The following DAB1 variants were observed in gnomAD, a reference collection of about 807,000 sequenced individuals.
The protein encoded by DAB1 is disabled homolog 1.
In DAB1, 15 loss-of-function variants were observed where a neutral mutation model predicts 64.6. The ratio of observed to expected loss-of-function variants is 0.23; its 90% CI spans 0.16 to 0.36. The LOEUF (loss-of-function observed/expected upper bound fraction) is 0.36, where lower values mean the gene tolerates loss of function less well. Ranked by LOEUF, DAB1 falls within the 10% of genes least tolerant of loss-of-function variation. The pLI is 1.00. For synonymous variants in DAB1, 235 were observed against 251.9 expected (o/e 0.93, Z 0.64); for missense variants, 596 against 706.7 (o/e 0.84, Z 1.78).
At chr1:57,406,302 C>T (rs866197078) in intron 1 of DAB1, among the ~76,000 whole-genome samples, 1 of 152,224 alleles carries the variant, frequency 6.6e-6, no homozygotes, top group South Asian at 2.1e-4. Flanking sequence ...CCCTCCCTTA[C>T]TCTTACTCTG....
chr1:58,195,144 C>CAGAGAGAG (rs1225243544), intron 4 of DAB1, among the ~76,000 whole-genome samples: 2 of 81,826 alleles, frequency 2.4e-5, no homozygotes, highest in East Asian at 1.3e-3. Context: ...GAGAGAGAGA[C>CAGAGAGAG]AGAGAGACAG....
intron 7 of DAB1, among the ~76,000 whole-genome samples, chr1:57,516,146 CTG>C (rs768755516): frequency 6.6e-6 from 1 of 152,216 alleles, no homozygotes; most frequent in African/African-American, 2.4e-5. Flanking sequence ...ATAGAAGAGA[CTG>C]TGTTTTAAGT....
intron 4 of DAB1, among the ~76,000 whole-genome samples, chr1:58,324,843 T>A (rs1209880410): frequency 1.3e-5 from 2 of 152,178 alleles, no homozygotes; most frequent in Non-Finnish European, 1.5e-5. Context: ...TACCTATATA[T>A]GCACTGTGCA....
At chr1:58,296,533 C>G (rs1032284434) in intron 4 of DAB1, among the ~76,000 whole-genome samples, 1 of 152,200 alleles carries the variant, frequency 6.6e-6, no homozygotes, top group Non-Finnish European at 1.5e-5. Context: ...GCACATCCTG[C>G]TGGAGGCTCA....
At chr1:58,406,353 C>A (rs1036999400) in intron 3 of DAB1, among the ~76,000 whole-genome samples, 19 of 152,210 alleles carry the variant, frequency 1.2e-4, no homozygotes, top group African/African-American at 4.3e-4. Flanking sequence ...GAGAGTCACC[C>A]ACCTGTAATT....
At chr1:57,543,894 G>T (rs1359048453) in intron 7 of DAB1, among the ~76,000 whole-genome samples, 1 of 152,106 alleles carries the variant, frequency 6.6e-6, no homozygotes, top group African/African-American at 2.4e-5. Context: ...ATTGCTTGAG[G>T]CCAGGAGTTC....
intron 7 of DAB1, among the ~76,000 whole-genome samples, chr1:57,431,829 T>TA (rs1381150701): frequency 6.6e-6 from 1 of 152,032 alleles, no homozygotes; most frequent in African/African-American, 2.4e-5. Flanking sequence ...CTAAAAGCTA[T>TA]AAAAAATGGC....
intron 1 of DAB1, among the ~76,000 whole-genome samples, chr1:57,353,104 T>TA (rs1457424630): frequency 3.3e-5 from 4 of 121,296 alleles, no homozygotes; most frequent in Non-Finnish European, 6.6e-5. Context: ...TATATATATA[T>TA]TTTTTTCCAT....
chr1:58,297,701 A>G (rs532420937), intron 4 of DAB1, among the ~76,000 whole-genome samples: 2 of 152,348 alleles, frequency 1.3e-5, no homozygotes, highest in South Asian at 4.1e-4. Flanking sequence ...CATGGTGAAG[A>G]AGAAAGTAAA....
chr1:57,691,323 C>G (rs1001867064), intron 6 of DAB1, among the ~76,000 whole-genome samples: 2 of 152,106 alleles, frequency 1.3e-5, no homozygotes, highest in African/African-American at 4.8e-5. Context: ...TACTCTGTGT[C>G]TAGCTAAAGG....
intron 7 of DAB1, among the ~76,000 whole-genome samples, chr1:57,515,214 C>T (rs1644450026): frequency 1.3e-5 from 2 of 152,142 alleles, no homozygotes; most frequent in Admixed American, 1.3e-4. Flanking sequence ...AAAAATCAAG[C>T]CCTGTAGCAA....
intron 4 of DAB1, among the ~76,000 whole-genome samples, chr1:58,268,898 T>C (rs1488175380): frequency 1.3e-5 from 2 of 152,296 alleles, no homozygotes; most frequent in South Asian, 2.1e-4. Context: ...AGTGCAGCAC[T>C]GCCTGAGAGA....
At chr1:57,978,311 G>A (rs920011189) in intron 5 of DAB1, among the ~76,000 whole-genome samples, 1 of 152,254 alleles carries the variant, frequency 6.6e-6, no homozygotes, top group East Asian at 1.9e-4. Flanking sequence ...AATAAGCAAT[G>A]GGGAAAAGAT....
intron 9 of DAB1, among the ~76,000 whole-genome samples, chr1:57,027,020 A>T (rs529393534): frequency 6.6e-6 from 1 of 152,338 alleles, no homozygotes; most frequent in African/African-American, 2.4e-5. Context: ...AACTGGGGGA[A>T]CTTAGACATA....
At chr1:57,670,737 C>A (rs1646500501) in intron 6 of DAB1, among the ~76,000 whole-genome samples, 1 of 152,058 alleles carries the variant, frequency 6.6e-6, no homozygotes, top group African/African-American at 2.4e-5. Flanking sequence ...GCCATTGAAT[C>A]CTGAACCTGT....
chr1:57,270,431 A>G (rs1670904736), intron 2 of DAB1, among the ~76,000 whole-genome samples: 1 of 152,222 alleles, frequency 6.6e-6, no homozygotes, highest in African/African-American at 2.4e-5. Flanking sequence ...TTACCATGTG[A>G]CAGACAGCAT....
chr1:57,423,572 C>A (rs1193717585), intron 1 of DAB1, among the ~76,000 whole-genome samples: 1 of 151,726 alleles, frequency 6.6e-6, no homozygotes, highest in African/African-American at 2.4e-5. Flanking sequence ...TAGCCAGGAC[C>A]GCAGGAGGAA....
At chr1:57,748,626 T>C (rs935005442) in intron 6 of DAB1, among the ~76,000 whole-genome samples, 8 of 152,182 alleles carry the variant, frequency 5.3e-5, no homozygotes, top group African/African-American at 1.9e-4. Flanking sequence ...AGATTTAAAT[T>C]TGATACAAGG....
At chr1:57,757,562 C>T (rs898553325) in intron 6 of DAB1, among the ~76,000 whole-genome samples, 8 of 152,106 alleles carry the variant, frequency 5.3e-5, no homozygotes, top group Non-Finnish European at 1.2e-4. Flanking sequence ...TGTGACTTCA[C>T]ATCATCCTCT....
Sources: gnomAD v4.1 joint callset for allele counts (sites outside exome capture counted in the v4.1 genomes callset) on GRCh38, gnomAD v4.1.1 for gene constraint, MANE v1.5 for transcripts, NCBI Gene and HGNC (gene_info 2026-07-23, HGNC 2026-07-21) for gene names.